The following ZSWIM6 variants were observed in gnomAD, a reference collection of about 807,000 sequenced individuals.
ZSWIM6 encodes zinc finger SWIM-type containing 6.
In ZSWIM6, 9 loss-of-function variants were observed where a neutral mutation model predicts 113.2. The observed-to-expected ratio is 0.08, with a 90% CI of 0.05 to 0.14. The LOEUF (loss-of-function observed/expected upper bound fraction) is 0.14. Ranked by LOEUF, ZSWIM6 falls within the 10% of genes least tolerant of loss-of-function variation. ZSWIM6 has a pLI of 1.00. For synonymous variants in ZSWIM6, 611 were observed against 606.5 expected (o/e 1.01, Z -0.11); for missense variants, 1,162 against 1,552.2 (o/e 0.75, Z 4.22).
chr5:61,392,011 T>A (rs1745727627), intron 1 of ZSWIM6: 1 of 397,100 alleles, frequency 2.5e-6, no homozygotes, highest in African/African-American at 2.1e-5. Flanking sequence ...TGTATTTCCC[T>A]CATAGATTGA....
At chr5:61,355,358 G>A (rs1744877385) in intron 1 of ZSWIM6, among the ~76,000 whole-genome samples, 1 of 150,864 alleles carries the variant, frequency 6.6e-6, no homozygotes. Context: ...AAAATAAATA[G>A]CAGTGATGGT....
At position 61,543,513 on chromosome 5, in the gene ZSWIM6, G is replaced by A; in HGVS notation, c.2844G>A (p.Glu948=). ...QTWFTLFTPT[E]ATSIVATTVM... ...GGTTTACACTCTTTACTCCCACCGA[G>A]GCCACAAGTATAGTTGCAACTACCG... The change falls in exon 14 of 14, where the codon GAG becomes GAA. Residue 948 remains glutamate (E), a synonymous_variant. Transcript: ENST00000252744. The surrounding 1 kb of genome is among the most constrained non-coding windows in gnomAD (Gnocchi z 4.3). The A allele has an allele frequency of 1.3e-5, 20 of 1,551,492 alleles. No homozygotes were observed. The highest frequency in any genetic ancestry group is 1.7e-5 in the Non-Finnish European group (20 of 1,146,986).
Position 61,521,452 on chromosome 5 carries a change from C to A in ZSWIM6, c.1513+10C>A. On this transcript the variant is annotated intron_variant, in intron 5 of 13. Coordinates refer to ENST00000252744, the MANE Select transcript of ZSWIM6 (RefSeq NM_020928.2). ...GCAAATGCCAACCAAGGTGAGTCTA[C>A]CATAATGTTCTGCTTAAATTGTAGC... is the stretch of plus-strand genomic sequence containing the variant. The A allele has an allele frequency of 6.9e-7, 1 of 1,441,970 alleles. No individual in the cohort carries two copies. Among genetic ancestry groups the A allele is most frequent in the Admixed American group, 2.6e-5 (1 of 39,156 alleles). The allele number at this position is 1,441,970 out of a possible 1,614,324, so 89.3% of individuals were successfully genotyped here. A position where few individuals can be genotyped will look rare whatever the true frequency, so the allele number is the denominator to read the frequency against.
At chr5:61,419,381 A>G (rs1252225661) in intron 1 of ZSWIM6, among the ~76,000 whole-genome samples, 1 of 152,208 alleles carries the variant, frequency 6.6e-6, no homozygotes, top group East Asian at 1.9e-4. Flanking sequence ...ACCACTGAGT[A>G]AATCAGTGCT....
chr5:61,403,286 GTTCT>G (rs1745975854), intron 1 of ZSWIM6, among the ~76,000 whole-genome samples: 1 of 152,192 alleles, frequency 6.6e-6, no homozygotes, highest in African/African-American at 2.4e-5. Context: ...CTGGGGCCCA[GTTCT>G]TTATTACCAA....
At chr5:61,466,190 G>T (rs1291235322) in intron 1 of ZSWIM6, among the ~76,000 whole-genome samples, 1 of 152,158 alleles carries the variant, frequency 6.6e-6, no homozygotes, top group Non-Finnish European at 1.5e-5. Context: ...AGTTCTCAGA[G>T]TTGGGAAAGG....
intron 1 of ZSWIM6, among the ~76,000 whole-genome samples, chr5:61,427,662 G>C (rs1284632315): frequency 2.7e-5 from 4 of 150,178 alleles, no homozygotes; most frequent in Non-Finnish European, 5.9e-5. Flanking sequence ...TTTTTTTTTT[G>C]TAGAGACAGG....
At chr5:61,419,004 T>C (rs908612479) in intron 1 of ZSWIM6, among the ~76,000 whole-genome samples, 10 of 152,198 alleles carry the variant, frequency 6.6e-5, no homozygotes, top group African/African-American at 2.2e-4. Context: ...GTGTTTTTAG[T>C]AGAGACAGAA....
intron 1 of ZSWIM6, among the ~76,000 whole-genome samples, chr5:61,374,388 C>A (rs1031159019): frequency 6.6e-6 from 1 of 151,996 alleles, no homozygotes; most frequent in African/African-American, 2.4e-5. Context: ...TCATATAGCC[C>A]TTCTGTCTGT....
At chr5:61,402,703 G>T (rs947468870) in intron 1 of ZSWIM6, among the ~76,000 whole-genome samples, 8 of 152,106 alleles carry the variant, frequency 5.3e-5, no homozygotes, top group African/African-American at 1.9e-4. Flanking sequence ...CACCTTAAAG[G>T]TTAAGTATCC....
chr5:61,387,792 T>C (rs1745618883), intron 1 of ZSWIM6, among the ~76,000 whole-genome samples: 1 of 151,246 alleles, frequency 6.6e-6, no homozygotes, highest in Admixed American at 6.6e-5. Flanking sequence ...ATCCCTGTAA[T>C]CCCAGCTACT....
chr5:61,502,917 C>A (rs1257953892), intron 4 of ZSWIM6, among the ~76,000 whole-genome samples: 1 of 152,188 alleles, frequency 6.6e-6, no homozygotes, highest in Admixed American at 6.5e-5. Flanking sequence ...CCCCCGCCAC[C>A]AGTACTCATA....
intron 12 of ZSWIM6, among the ~76,000 whole-genome samples, chr5:61,541,235 A>G (rs1749728347): frequency 6.6e-6 from 1 of 151,938 alleles, no homozygotes; most frequent in Admixed American, 6.6e-5. Flanking sequence ...GAGCCACCGC[A>G]CCTGACCGTC....
chr5:61,420,340 C>T (rs1045543698), intron 1 of ZSWIM6, among the ~76,000 whole-genome samples: 2 of 152,214 alleles, frequency 1.3e-5, no homozygotes, highest in Non-Finnish European at 2.9e-5. Flanking sequence ...TACTATATAT[C>T]TGAAAGTTTT....
At chr5:61,463,297 A>G (rs1177849485) in intron 1 of ZSWIM6, among the ~76,000 whole-genome samples, 1 of 152,238 alleles carries the variant, frequency 6.6e-6, no homozygotes, top group Non-Finnish European at 1.5e-5. Context: ...TTTAGGTTAC[A>G]TAAGAAGCAA....
intron 1 of ZSWIM6, among the ~76,000 whole-genome samples, chr5:61,446,435 G>T (rs1351076939): frequency 6.6e-6 from 1 of 152,008 alleles, no homozygotes; most frequent in Non-Finnish European, 1.5e-5. Context: ...AAATACATTG[G>T]GCATTTTCAT....
chr5:61,509,778 C>A (rs1748729625), intron 4 of ZSWIM6, among the ~76,000 whole-genome samples: 1 of 152,160 alleles, frequency 6.6e-6, no homozygotes, highest in South Asian at 2.1e-4. Context: ...CTCATCATTA[C>A]AAGTTGCAGA....
intron 1 of ZSWIM6, among the ~76,000 whole-genome samples, chr5:61,434,452 C>T (rs1746659288): frequency 6.8e-6 from 1 of 147,698 alleles, no homozygotes. Flanking sequence ...CCCCCTTTCA[C>T]CTTTCCCCCA....
Position 61,544,961 on chromosome 5 carries a change from C to T in ZSWIM6, c.*644C>T, listed in dbSNP as rs897850925. Reference sequence around the variant, plus strand: ...AAAAAGAATGAGAGCATTTATTGTACTGTATATATATTATAGTATATGTCT... The same window carrying T: ...AAAAAGAATGAGAGCATTTATTGTATTGTATATATATTATAGTATATGTCT... On this transcript the variant is annotated 3_prime_UTR_variant, in exon 14 of 14. Coordinates refer to ENST00000252744, the MANE Select transcript of ZSWIM6 (RefSeq NM_020928.2). 1 of 151,728 alleles carries T rather than the reference C, an allele frequency of 6.6e-6. No homozygotes were observed. The highest frequency in any genetic ancestry group is 1.5e-5 in the Non-Finnish European group (1 of 67,998). The allele number at this position is 151,728 out of a possible 1,614,324, so 9.4% of individuals were successfully genotyped here.
Sources: gnomAD v4.1 joint callset for allele counts (sites outside exome capture counted in the v4.1 genomes callset) on GRCh38, gnomAD v4.1.1 for gene constraint, Gnocchi (gnomAD v3.1) non-coding constraint, MANE v1.5 for transcripts, NCBI Gene and HGNC (gene_info 2026-07-23, HGNC 2026-07-21) for gene names.